PIEZO1: variants seen among roughly 807,000 people sequenced by gnomAD.
The protein encoded by PIEZO1 is piezo-type mechanosensitive ion channel component 1.
Under a neutral mutation model 297.2 loss-of-function variants are expected in PIEZO1, and 296 were observed. That is an observed-to-expected ratio of 1.00 (90% CI 0.91 to 1.10). The LOEUF (loss-of-function observed/expected upper bound fraction) is 1.10, where lower values mean the gene tolerates loss of function less well. PIEZO1 is among the 50% of genes least tolerant of loss of function. The probability of loss-of-function intolerance (pLI) is 0.00; values close to 1 mark genes in which losing one functional copy is unlikely to be tolerated. For synonymous variants in PIEZO1, 2,427 were observed against 1,507.5 expected (o/e 1.61, Z -14.13); for missense variants, 5,018 against 3,455.5 (o/e 1.45, Z -11.34).
chr16:88,720,028 C>A, intron 42 of PIEZO1, 41 bp downstream of exon 42: 1 of 1,549,254 alleles, frequency 6.5e-7, no homozygotes, highest in Non-Finnish European at 8.7e-7. Flanking sequence ...GCCTGCACTG[C>A]CCCGCCCCTG....
At chr16:88,757,367 T>G (rs1906726956) in intron 1 of PIEZO1, among the ~76,000 whole-genome samples, 1 of 147,222 alleles carries the variant, frequency 6.8e-6, no homozygotes. Context: ...CCCGTGTGGT[T>G]AAAAGGCTCC....
chr16:88,726,673 C>CGGGGCCAGG (rs770174162), intron 25 of PIEZO1, 30 bp from the exon 26 acceptor site: 8 of 1,283,992 alleles, frequency 6.2e-6, no homozygotes, highest in South Asian at 1.3e-5. Context: ...GCGGGGCCAG[C>CGGGGCCAGG]GGGGCCCCAG....
chr16:88,737,914 C>T lies in PIEZO1; in HGVS notation c.1020+20G>A. ...CATGGCCTGGCCTCAGCCCACCCACCATGGGTGGCAGGTGCTCACCTGGCC... is the reference window on the plus strand; with the variant it reads ...CATGGCCTGGCCTCAGCCCACCCACTATGGGTGGCAGGTGCTCACCTGGCC... On this transcript the variant is annotated intron_variant, in intron 8 of 50. Coordinates refer to ENST00000301015, the MANE Select transcript of PIEZO1 (RefSeq NM_001142864.4). 3 of 1,530,064 alleles carry T rather than the reference C, an allele frequency of 2.0e-6. No individual in the cohort carries two copies. Among genetic ancestry groups the T allele is most frequent in the Non-Finnish European group, 2.6e-6 (3 of 1,142,576 alleles). 94.8% of individuals were successfully genotyped at this position (1,530,064 alleles called of 1,614,324 possible).
chr16:88,737,391 G>A (rs1459017050), intron 10 of PIEZO1, 168 bp downstream of exon 10: 7 of 580,116 alleles, frequency 1.2e-5, no homozygotes, highest in Admixed American at 6.3e-5. Flanking sequence ...TGCCCTGGGG[G>A]TCTCGGGGGT....
chr16:88,759,747 G>A (rs1462551868), intron 1 of PIEZO1, among the ~76,000 whole-genome samples: 2 of 152,198 alleles, frequency 1.3e-5, no homozygotes, highest in Non-Finnish European at 2.9e-5. Context: ...GTTGGCCCAG[G>A]GGACGGGGGG....
chr16:88,742,473 C>T lies in PIEZO1; in HGVS notation c.161-51G>A, dbSNP rs997774735. ...TGGTCCCGGGGACGGGGAGGGGCCG[C>T]AGCCCAGGCCGCTCAGCCGGACAAT... On this transcript the variant is annotated intron_variant, in intron 2 of 50. Coordinates refer to ENST00000301015, the MANE Select transcript of PIEZO1 (RefSeq NM_001142864.4). 12 of 1,518,364 alleles carry T rather than the reference C, an allele frequency of 7.9e-6. No individual in the cohort carries two copies. In the Admixed American group the frequency reaches 1.1e-4, roughly 13 times the overall value. 94.1% of individuals were successfully genotyped at this position (1,518,364 alleles called of 1,614,324 possible). A position where few individuals can be genotyped will look rare whatever the true frequency, so the allele number is the denominator to read the frequency against.
intron 2 of PIEZO1, chr16:88,744,488 G>C (rs1329630041): frequency 6.6e-6 from 1 of 151,964 alleles, no homozygotes; most frequent in African/African-American, 2.4e-5. Context: ...CTGCACACAC[G>C]ATCCAGCAGC....
intron 4 of PIEZO1, 109 bp downstream of exon 4, chr16:88,741,944 G>C: frequency 1.6e-6 from 2 of 1,244,336 alleles, no homozygotes; most frequent in African/African-American, 1.5e-5. Context: ...GGGTGGGAGT[G>C]TGGATGAGTC....
Position 88,737,521 on chromosome 16 carries a change from C to CT in PIEZO1, c.1195+37_1195+38insA, listed in dbSNP as rs774738208. On this transcript the variant is annotated intron_variant, in intron 10 of 50. Coordinates refer to ENST00000301015, the MANE Select transcript of PIEZO1 (RefSeq NM_001142864.4). ...GGCAGCACCGGCCTCCGCCCCGCCC[C>CT]CCGCACCCAGCCATACCTTGCAGTG... 4.1e-4 allele frequency: 581 copies of CT among 1,429,996 alleles called. 6 individuals are homozygous for CT. The highest frequency in any genetic ancestry group is 5.4e-5 in the Non-Finnish European group (57 of 1,055,846). The allele number at this position is 1,429,996 out of a possible 1,614,324, so 88.6% of individuals were successfully genotyped here. A position where few individuals can be genotyped will look rare whatever the true frequency, so the allele number is the denominator to read the frequency against.
chr16:88,735,035 G>A lies in PIEZO1; in HGVS notation c.1688C>T (p.Thr563Met), dbSNP rs192347853. The A allele has an allele frequency of 1.0e-3, 1,587 of 1,550,412 alleles. 2 individuals are homozygous for A. The highest frequency in any genetic ancestry group is 1.2e-3 in the Non-Finnish European group (1,378 of 1,146,960). ...CAGCTCCCCCAGGCTCTGCAACAGC[G>A]TCTGCGTCCGCGTGGGCTCTGTGGG... The part of the protein sequence containing the change: ...VADTEPTRTQ[T>M]LLQSLGELVK... Residue 563 changes from threonine to methionine, a missense_variant, in exon 14 of 51, where the codon ACG becomes ATG. Thr to Met is a moderately conservative substitution (Grantham distance 81, BLOSUM62 -1). Coordinates refer to ENST00000301015, the MANE Select transcript of PIEZO1 (RefSeq NM_001142864.4).
intron 1 of PIEZO1, among the ~76,000 whole-genome samples, chr16:88,759,708 C>G (rs1232208631): frequency 1.3e-5 from 2 of 152,220 alleles, no homozygotes; most frequent in African/African-American, 2.4e-5. Flanking sequence ...AGACGGATCC[C>G]ACTTTTATGG....
chr16:88,727,168 G>A lies in PIEZO1; in HGVS notation c.3326C>T (p.Ala1109Val), dbSNP rs989084106. 30 of 1,544,922 alleles carry A rather than the reference G, an allele frequency of 1.9e-5. No individual in the cohort carries two copies. The highest frequency in any genetic ancestry group is 6.9e-5 in the African/African-American group (5 of 72,936). The change falls in exon 24 of 51, where the codon GCC (alanine) becomes GTC (valine). Residue 1109 changes from alanine (A) to valine (V), a missense_variant. Physicochemically the swap from Ala to Val is moderately conservative, Grantham distance 64. Transcript: ENST00000301015. ...TGAGAACACCTGCCACTGCTGGGAGGCGCACAGCAGCAGGAGAAAGTCGCC... is the reference window on the plus strand; with the variant it reads ...TGAGAACACCTGCCACTGCTGGGAGACGCACAGCAGCAGGAGAAAGTCGCC... ...LISDFLLLLC[A>V]SQQWQVFSAE...
At position 88,735,258 on chromosome 16, in the gene PIEZO1, G is replaced by A. The variant is rs370912558; in HGVS notation, c.1558-12C>T. 102 of 1,527,752 alleles carry A rather than the reference G, an allele frequency of 6.7e-5. No individual in the cohort carries two copies. In the East Asian group the frequency reaches 1.3e-3, roughly 19 times the overall value. The allele number at this position is 1,527,752 out of a possible 1,614,324, so 94.6% of individuals were successfully genotyped here. On this transcript the variant is annotated splice_polypyrimidine_tract_variant and intron_variant, in intron 12 of 50. Coordinates refer to ENST00000301015, the MANE Select transcript of PIEZO1 (RefSeq NM_001142864.4). ...AGGGTGTAGAGCAACTGTGACAAGCGCAGGGTGTCACAGTCAGCCGGGGGG... is the reference window on the plus strand; with the variant it reads ...AGGGTGTAGAGCAACTGTGACAAGCACAGGGTGTCACAGTCAGCCGGGGGG...
intron 23 of PIEZO1, 26 bp from the exon 24 acceptor site, chr16:88,727,218 T>G (rs1452620846): frequency 4.6e-6 from 7 of 1,512,438 alleles, no homozygotes; most frequent in Admixed American, 2.1e-5. Flanking sequence ...GCCGCCGCTG[T>G]GCCACACGGG....
In PIEZO1 at chr16:88,715,809, G is replaced by A. The variant is rs35544968; in HGVS notation, c.7362C>T (p.Phe2454=). Reference sequence around the variant, plus strand: ...AGATCTCGCTGAAGAATCCGCGCACGAACTTGCCGATGACCAGCACGATGG... The same window carrying A: ...AGATCTCGCTGAAGAATCCGCGCACAAACTTGCCGATGACCAGCACGATGG... ...YVSIVLVIGK[F]VRGFFSEISH... The change falls in exon 51 of 51, where the codon TTC becomes TTT. Residue 2454 remains phenylalanine (F), a synonymous_variant. Transcript: ENST00000301015. 0.1 allele frequency: 154,744 copies of A among 1,550,164 alleles called. 8,786 individuals carry two copies. The highest frequency in any genetic ancestry group is 0.21 in the African/African-American group (15,507 of 73,114).
chr16:88,722,731 T>A, intron 34 of PIEZO1, 42 bp from the exon 35 acceptor site: 1 of 1,530,864 alleles, frequency 6.5e-7, no homozygotes. Flanking sequence ...GTCCAGCTCT[T>A]GTCCCCACAC....
intron 21 of PIEZO1, 54 bp from the exon 22 acceptor site, chr16:88,731,964 C>CTGAGTCTGGGGGGAGGGAG: frequency 1.3e-4 from 1 of 7,418 alleles, no homozygotes; most frequent in South Asian, 1.6e-3. Flanking sequence ...GGGGGAGGGA[C>CTGAGTCTGGGGGGAGGGAG]TTTCTTGTCC....
intron 10 of PIEZO1, 70 bp downstream of exon 10, chr16:88,737,489 A>G: frequency 1.8e-6 from 2 of 1,115,104 alleles, no homozygotes; most frequent in Non-Finnish European, 2.5e-6. Flanking sequence ...CCAGGCGGCC[A>G]CCAGGGGGCA....
intron 1 of PIEZO1, among the ~76,000 whole-genome samples, chr16:88,772,527 T>A (rs546609933): frequency 3.2e-4 from 48 of 152,190 alleles, no homozygotes; most frequent in African/African-American, 1.1e-3. Context: ...ACGCCTGTAA[T>A]CCCAGCACTT....
Sources: gnomAD v4.1 joint callset for allele counts (sites outside exome capture counted in the v4.1 genomes callset) on GRCh38, gnomAD v4.1.1 for gene constraint, MANE v1.5 for transcripts, NCBI Gene and HGNC (gene_info 2026-07-23, HGNC 2026-07-21) for gene names.